DOCK3: variants seen among roughly 807,000 people sequenced by gnomAD.
DOCK3 encodes dedicator of cytokinesis protein 3.
In DOCK3, 60 loss-of-function variants were observed where a neutral mutation model predicts 265.6. The observed-to-expected ratio is 0.23, with a 90% CI of 0.18 to 0.28. DOCK3 has a LOEUF of 0.28. Ranked by LOEUF, DOCK3 falls within the 10% of genes least tolerant of loss-of-function variation. The probability of loss-of-function intolerance (pLI) is 1.00; values close to 1 mark genes in which losing one functional copy is unlikely to be tolerated. For missense variants in DOCK3, 1,981 were observed against 2,594.3 expected, an observed-to-expected ratio of 0.76 and a Z score of 5.14; for synonymous variants, 881 against 938.0, an observed-to-expected ratio of 0.94 and a Z score of 1.11.
At chr3:50,917,166 T>C (rs1052635365) in intron 4 of DOCK3, among the ~76,000 whole-genome samples, 3 of 152,124 alleles carry the variant, frequency 2.0e-5, no homozygotes, top group Non-Finnish European at 4.4e-5. Flanking sequence ...TTTACTAATT[T>C]GGGTCTAAAT....
At chr3:51,327,883 T>C (rs549254085) in intron 32 of DOCK3, among the ~76,000 whole-genome samples, 1 of 152,162 alleles carries the variant, frequency 6.6e-6, no homozygotes, top group African/African-American at 2.4e-5. Context: ...AGTTTCACCA[T>C]GTTGGTCAGG....
intron 1 of DOCK3, among the ~76,000 whole-genome samples, chr3:50,743,447 C>A: frequency 6.8e-6 from 1 of 147,454 alleles, no homozygotes. Flanking sequence ...TTCAGGAAAC[C>A]CATCTCACGT....
chr3:50,892,050 A>G (rs1467630031), intron 4 of DOCK3, among the ~76,000 whole-genome samples: 1 of 152,116 alleles, frequency 6.6e-6, no homozygotes, highest in Non-Finnish European at 1.5e-5. Flanking sequence ...CAAATGTCCA[A>G]TAAGTTGATG....
chr3:51,256,601 T>C (rs533893599), intron 22 of DOCK3, among the ~76,000 whole-genome samples: 151 of 150,820 alleles, frequency 1.0e-3, no homozygotes, highest in African/African-American at 3.6e-3. Context: ...TTGTTTTTTT[T>C]TTTTTTTTTT....
At chr3:51,271,436 A>C (rs1484421371) in intron 24 of DOCK3, among the ~76,000 whole-genome samples, 1 of 152,126 alleles carries the variant, frequency 6.6e-6, no homozygotes, top group African/African-American at 2.4e-5. Context: ...ACATAGCAGA[A>C]GGGGCAAGGC....
intron 9 of DOCK3, 90 bp from the exon 10 acceptor site, chr3:51,146,459 T>C: frequency 7.5e-7 from 1 of 1,327,716 alleles, no homozygotes; most frequent in Admixed American, 2.1e-5. Context: ...GTTATGTAAA[T>C]ATGTTTAGTG....
chr3:51,281,297 A>ATATATATATATATATATATG (rs889323835), intron 27 of DOCK3, among the ~76,000 whole-genome samples: 41 of 136,702 alleles, frequency 3.0e-4, no homozygotes, highest in African/African-American at 1.1e-3. Context: ...ATATATATAT[A>ATATATATATATATATATATG]TATATATATC....
At chr3:50,988,643 C>T (rs1355842929) in intron 5 of DOCK3, among the ~76,000 whole-genome samples, 2 of 152,188 alleles carry the variant, frequency 1.3e-5, no homozygotes, top group Non-Finnish European at 1.5e-5. Flanking sequence ...AGGCTGGCAA[C>T]TGGCCCCTGT....
chr3:51,134,412 T>C (rs1037439876), intron 9 of DOCK3, among the ~76,000 whole-genome samples: 3 of 152,242 alleles, frequency 2.0e-5, no homozygotes, highest in Non-Finnish European at 4.4e-5. Flanking sequence ...GATTTACTCA[T>C]GTGTCTGTTT....
At chr3:51,259,806 T>C (rs1409620647) in intron 22 of DOCK3, among the ~76,000 whole-genome samples, 2 of 152,186 alleles carry the variant, frequency 1.3e-5, no homozygotes, top group African/African-American at 4.8e-5. Flanking sequence ...GACCCTTTTA[T>C]TTCCAGACCT....
chr3:50,896,031 TAC>T (rs1389783090), intron 4 of DOCK3, among the ~76,000 whole-genome samples: 4 of 152,226 alleles, frequency 2.6e-5, no homozygotes, highest in Admixed American at 6.5e-5. Context: ...TTTGTGTATA[TAC>T]CCAGTAATGG....
intron 49 of DOCK3, among the ~76,000 whole-genome samples, chr3:51,368,629 C>A (rs1252966137): frequency 6.6e-6 from 1 of 152,222 alleles, no homozygotes; most frequent in Non-Finnish European, 1.5e-5. Flanking sequence ...CCTCTGGGGG[C>A]AGGGCATAGC....
chr3:51,216,995 A>G (rs1439151175), intron 14 of DOCK3, among the ~76,000 whole-genome samples: 3 of 152,196 alleles, frequency 2.0e-5, no homozygotes, highest in Non-Finnish European at 2.9e-5. Flanking sequence ...GAACACGTGG[A>G]GATATAAGAA....
At chr3:51,291,523 C>T (rs1005137912) in intron 27 of DOCK3, among the ~76,000 whole-genome samples, 12 of 152,068 alleles carry the variant, frequency 7.9e-5, no homozygotes, top group East Asian at 7.7e-4. Context: ...TTCCTAGACA[C>T]GTGTATCTAC....
Position 51,263,088 on chromosome 3 carries a change from C to T in DOCK3, c.2355+2762C>T, listed in dbSNP as rs571969770. On this transcript the variant is annotated intron_variant, in intron 23 of 52. Transcript: ENST00000266037. ...CAGAGAACACCACAAAGATACTCCT[C>T]GAGAAGAGCAGCCCCAAGACACATA... Among the ~76,000 whole-genome samples the T allele has an allele frequency of 3.3e-5, 5 of 152,042 alleles. No homozygotes were observed. The East Asian group carries it at 5.8e-4, about 18-fold the overall frequency.
intron 12 of DOCK3, among the ~76,000 whole-genome samples, chr3:51,204,234 C>A (rs1418185871): frequency 6.8e-6 from 1 of 148,130 alleles, no homozygotes; most frequent in African/African-American, 2.5e-5. Flanking sequence ...AGGCAACCCA[C>A]AAAATGGGAG....
At chr3:51,130,962 C>T (rs1250790894) in intron 9 of DOCK3, among the ~76,000 whole-genome samples, 1 of 152,144 alleles carries the variant, frequency 6.6e-6, no homozygotes, top group African/African-American at 2.4e-5. Context: ...CCCACCTTGG[C>T]CTCTCAAACT....
intron 5 of DOCK3, among the ~76,000 whole-genome samples, chr3:51,005,967 A>G (rs147751638): frequency 6.6e-6 from 1 of 152,274 alleles, no homozygotes; most frequent in East Asian, 1.9e-4. Context: ...TTAGTTATAT[A>G]TATGACTGTA....
chr3:51,164,868 T>C (rs1206774025), intron 12 of DOCK3, among the ~76,000 whole-genome samples: 1 of 151,902 alleles, frequency 6.6e-6, no homozygotes, highest in Non-Finnish European at 1.5e-5. Context: ...TTTTTGAGAA[T>C]ACTGTCTTTG....
Sources: allele counts gnomAD v4.1 joint callset (sites outside exome capture counted in the v4.1 genomes callset), GRCh38; gene constraint gnomAD v4.1.1; transcripts MANE v1.5; gene names NCBI Gene and HGNC (gene_info 2026-07-23, HGNC 2026-07-21).